The following MYL10 variants were observed in gnomAD, a reference collection of about 807,000 sequenced individuals.
MYL10 encodes the protein myosin regulatory light chain 10.
A neutral mutation model predicts 21.9 loss-of-function variants in MYL10; 18 were observed. The ratio of observed to expected loss-of-function variants is 0.82; its 90% CI spans 0.57 to 1.22. The LOEUF (loss-of-function observed/expected upper bound fraction) is 1.22, where lower values mean the gene tolerates loss of function less well. MYL10 is among the 50% of genes most tolerant of loss of function. MYL10 has a pLI of 0.00. For synonymous variants in MYL10, 88 were observed against 82.8 expected (o/e 1.06, Z -0.34); for missense variants, 225 against 230.4 (o/e 0.98, Z 0.15).
chr7:101,613,764 C>T, intron 6 of MYL10, 54 bp from the exon 7 acceptor site: 9 of 1,568,894 alleles, frequency 5.7e-6, no homozygotes, highest in Non-Finnish European at 7.9e-6. Context: ...CCAGCTTGAA[C>T]ATGCAGATCC....
chr7:101,616,885 CG>C (rs1172205131), intron 5 of MYL10, among the ~76,000 whole-genome samples: 2 of 152,184 alleles, frequency 1.3e-5, no homozygotes, highest in Admixed American at 6.5e-5. Context: ...AAGGGATTCA[CG>C]GGGGCAGAAG....
intron 6 of MYL10, among the ~76,000 whole-genome samples, chr7:101,614,039 C>T (rs1796580812): frequency 6.6e-6 from 1 of 152,220 alleles, no homozygotes; most frequent in African/African-American, 2.4e-5. Flanking sequence ...AGGTCCCCCA[C>T]CGCAGAGCCT....
chr7:101,613,747 G>A (rs367714068), intron 6 of MYL10, 37 bp from the exon 7 acceptor site: 14 of 1,606,772 alleles, frequency 8.7e-6, no homozygotes, highest in Admixed American at 1.7e-5. Flanking sequence ...TTCAGGGAAC[G>A]GGATACCCAG....
At chr7:101,622,334 G>C (rs1482974067) in intron 4 of MYL10, 134 bp from the exon 5 acceptor site, 8 of 603,430 alleles carry the variant, frequency 1.3e-5, no homozygotes, top group Non-Finnish European at 2.0e-5. Flanking sequence ...ACGCCTTTTT[G>C]GGGGACTCTT....
At chr7:101,618,879 G>T (rs778764231) in intron 5 of MYL10, among the ~76,000 whole-genome samples, 51 of 152,174 alleles carry the variant, frequency 3.4e-4, no homozygotes, top group Admixed American at 6.5e-4. Flanking sequence ...GGACCGACAC[G>T]AGCTTTTAGT....
Position 101,613,456 on chromosome 7 carries a change from C to A in MYL10, c.*19G>T, listed in dbSNP as rs73413497. The A allele has an allele frequency of 1.2e-6, 2 of 1,601,148 alleles. No homozygotes were observed. The highest frequency in any genetic ancestry group is 1.7e-5 in the Admixed American group (1 of 60,004). On this transcript the variant is annotated 3_prime_UTR_variant, in exon 8 of 8. Coordinates refer to ENST00000223167, the MANE Select transcript of MYL10 (RefSeq NM_138403.5). ...AACAGTGTTTGCTGCCCCTGAATGTCGGGGAGACTTGTGATCCCCTAATCC... is the reference window on the plus strand; with the variant it reads ...AACAGTGTTTGCTGCCCCTGAATGTAGGGGAGACTTGTGATCCCCTAATCC...
chr7:101,626,096 G>A (rs1158754778), intron 1 of MYL10, among the ~76,000 whole-genome samples: 1 of 152,178 alleles, frequency 6.6e-6, no homozygotes, highest in Non-Finnish European at 1.5e-5. Flanking sequence ...CCCCTGAAAG[G>A]AACATCTCAG....
At position 101,617,067 on chromosome 7, in the gene MYL10, G is replaced by A. The variant is rs1213895627; in HGVS notation, c.455-769C>T. On this transcript the variant is annotated intron_variant, in intron 5 of 7. Coordinates refer to ENST00000223167, the MANE Select transcript of MYL10 (RefSeq NM_138403.5). ...GGAAGGGTCTTGCCCAAGGCTTCAC[G>A]GGCTGCGTGAATGACAGCAGGTGAC... is the stretch of plus-strand genomic sequence containing the variant. Among the ~76,000 whole-genome samples the A allele has an allele frequency of 2.0e-5, 3 of 152,310 alleles. No homozygotes were observed. In the East Asian group the frequency reaches 5.8e-4, roughly 29 times the overall value.
intron 6 of MYL10, among the ~76,000 whole-genome samples, chr7:101,615,603 T>C (rs978949150): frequency 1.3e-4 from 17 of 131,724 alleles, no homozygotes; most frequent in Non-Finnish European, 2.5e-4. Context: ...GTTCCCCCCC[T>C]AGCCTGGGCA....
chr7:101,623,757 G>A (rs7455468), intron 3 of MYL10, among the ~76,000 whole-genome samples, 163 bp downstream of exon 3: 54,573 of 149,882 alleles, frequency 0.36, 10,418 homozygotes, highest in East Asian at 0.67. Flanking sequence ...GCTGGGCACT[G>A]TGGCTCACGT....
intron 1 of MYL10, among the ~76,000 whole-genome samples, chr7:101,626,004 CAA>C (rs1404304425): frequency 6.6e-6 from 1 of 151,566 alleles, no homozygotes; most frequent in Admixed American, 6.6e-5. Flanking sequence ...CTTTACAGCA[CAA>C]GAGTCCTAAA....
intron 6 of MYL10, among the ~76,000 whole-genome samples, chr7:101,614,903 C>T (rs1796590436): frequency 6.6e-6 from 1 of 152,164 alleles, no homozygotes; most frequent in Admixed American, 6.5e-5. Flanking sequence ...AAGCCTGGGC[C>T]TGGGGAGGAA....
intron 3 of MYL10, 67 bp from the exon 4 acceptor site, chr7:101,623,139 G>T (rs1326063553): frequency 5.4e-6 from 8 of 1,472,318 alleles, no homozygotes; most frequent in Middle Eastern, 1.7e-4. Flanking sequence ...CCCAGGGACC[G>T]TCCTCCTGCC....
At position 101,616,795 on chromosome 7, in the gene MYL10, C is replaced by T. The variant is rs531321815; in HGVS notation, c.455-497G>A. 4.6e-5 allele frequency among the ~76,000 whole-genome samples: 7 copies of T among 152,262 alleles called. No homozygotes were observed. In the South Asian group the frequency reaches 1.4e-3, roughly 32 times the overall value. On this transcript the variant is annotated intron_variant, in intron 5 of 7. Transcript: ENST00000223167. ...GTACGTGGATGCCAAAAGGCTGGGGCTTGGGCAGTGTGGCATTGGAGGGGT... is the reference window on the plus strand; with the variant it reads ...GTACGTGGATGCCAAAAGGCTGGGGTTTGGGCAGTGTGGCATTGGAGGGGT...
At chr7:101,624,840 T>C (rs1182107888) in intron 1 of MYL10, among the ~76,000 whole-genome samples, 2 of 151,990 alleles carry the variant, frequency 1.3e-5, no homozygotes, top group African/African-American at 4.8e-5. Flanking sequence ...ATGCCTTCCC[T>C]GGAGAATCTA....
chr7:101,621,964 C>T (rs1796683970), intron 5 of MYL10, 132 bp downstream of exon 5: 4 of 662,234 alleles, frequency 6.0e-6, no homozygotes, highest in African/African-American at 1.8e-5. Context: ...GGTGCGTGCA[C>T]CTGGGGGCTG....
intron 5 of MYL10, among the ~76,000 whole-genome samples, chr7:101,619,551 G>C (rs927097416): frequency 6.6e-6 from 1 of 152,194 alleles, no homozygotes; most frequent in Admixed American, 6.5e-5. Context: ...GTGATGTCAG[G>C]TCGGATCACC....
intron 1 of MYL10, 25 bp from the exon 2 acceptor site, chr7:101,624,289 G>C (rs1448160251): frequency 6.3e-7 from 1 of 1,595,574 alleles, no homozygotes; most frequent in African/African-American, 1.3e-5. Flanking sequence ...ACAAGGCCTT[G>C]CAGCGGCCCC....
At chr7:101,613,628 G>C (rs1796574685) in intron 7 of MYL10, 34 bp downstream of exon 7, 1 of 1,613,732 alleles carries the variant, frequency 6.2e-7, no homozygotes, top group African/African-American at 1.3e-5. Context: ...CCAGAGCAGA[G>C]AATCCGCCGT....
Sources: allele counts gnomAD v4.1 joint callset (sites outside exome capture counted in the v4.1 genomes callset), GRCh38; gene constraint gnomAD v4.1.1; transcripts MANE v1.5; gene names NCBI Gene and HGNC (gene_info 2026-07-23, HGNC 2026-07-21).